The following NCKAP5 variants were observed in gnomAD, a reference collection of about 807,000 sequenced individuals.
The protein encoded by NCKAP5 is NCK associated protein 5.
NCKAP5 carries 92 observed loss-of-function variants against 167.0 expected under a neutral mutation model. That is an observed-to-expected ratio of 0.55 (90% confidence interval 0.47 to 0.66). The LOEUF is 0.66. Ranked by LOEUF, NCKAP5 falls within the 30% of genes least tolerant of loss-of-function variation. The pLI, the probability that NCKAP5 is intolerant of heterozygous loss-of-function variation, is 0.00. For synonymous variants in NCKAP5, 891 were observed against 877.4 expected (o/e 1.02, Z -0.27); for missense variants, 2,378 against 2,315.0 (o/e 1.03, Z -0.56).
chr2:133,175,129 TC>T (rs1239991671), intron 5 of NCKAP5, among the ~76,000 whole-genome samples: 1 of 152,036 alleles, frequency 6.6e-6, no homozygotes, highest in African/African-American at 2.4e-5. Context: ...AACTTTTTTT[TC>T]ATATGCCCAG....
In NCKAP5 at chr2:132,920,667, A is replaced by ATATATATG. The variant is rs1284622889; in HGVS notation, c.580-41752_580-41751insCATATATA. On this transcript the variant is annotated intron_variant, in intron 8 of 19. Coordinates refer to ENST00000409261, the MANE Select transcript of NCKAP5 (RefSeq NM_207363.3). Reference sequence around the variant, plus strand: ...TATATATATGGAAGAACTTATATATATATATATATATAAGTTAGTTTATAT... The same window carrying ATATATATG: ...TATATATATGGAAGAACTTATATATATATATATGTATATATATATAAGTTAGTTTATAT... Among the ~76,000 whole-genome samples, 67 of 135,206 alleles carry ATATATATG rather than the reference A, an allele frequency of 5.0e-4. 4 individuals carry two copies. The Admixed American group carries it at 5.2e-3, about 11-fold the overall frequency. The allele number at this position is 135,206 out of a possible 152,430, so 88.7% of individuals were successfully genotyped here.
rs144491492 is a variant in NCKAP5, at chr2:132,784,232, C to T, written c.2579G>A (p.Arg860Gln). 2.7e-5 allele frequency: 43 copies of T among 1,599,012 alleles called. No individual in the cohort carries two copies. Among genetic ancestry groups the T allele is most frequent in the Middle Eastern group, 1.7e-4 (1 of 5,958 alleles). Residue 860 changes from arginine (R) to glutamine (Q), a missense_variant, in exon 14 of 20, where the codon CGA becomes CAA. Physicochemically the swap from Arg to Gln is conservative, Grantham distance 43. Coordinates refer to ENST00000409261, the MANE Select transcript of NCKAP5 (RefSeq NM_207363.3). ...ATGTTTTGGAATGTGTGGATCTGAT[C>T]GTAATTCAAAGAGGGGCCCTGAGCT... ...TESSGPLFELRSDPHIPKHSA... is the reference protein window; with the variant it reads ...TESSGPLFELQSDPHIPKHSA...
chr2:133,084,150 C>T (rs1222103172), intron 6 of NCKAP5, among the ~76,000 whole-genome samples: 1 of 152,076 alleles, frequency 6.6e-6, no homozygotes, highest in Non-Finnish European at 1.5e-5. Context: ...ACACATTATC[C>T]AGGGTGGCTG....
chr2:132,783,095 C>G lies in NCKAP5; in HGVS notation c.3716G>C (p.Gly1239Ala). ...ATCTACCCCATCCCTTCCATCACTC[C>G]CAGGGATGCTACTTTCCAATGGCTC... ...LQEPLESSIP[G>A]SDGRDGVDNR... The change falls in exon 14 of 20, where the codon GGG (glycine) becomes GCG (alanine). Residue 1239 changes from glycine to alanine, a missense_variant. Coordinates refer to ENST00000409261, the MANE Select transcript of NCKAP5 (RefSeq NM_207363.3). The G allele has an allele frequency of 1.2e-6, 2 of 1,613,756 alleles. No individual in the cohort carries two copies. The highest frequency in any genetic ancestry group is 1.7e-6 in the Non-Finnish European group (2 of 1,179,820).
chr2:133,226,683 C>T (rs969585553), intron 4 of NCKAP5, among the ~76,000 whole-genome samples: 1 of 149,396 alleles, frequency 6.7e-6, no homozygotes, highest in Admixed American at 6.7e-5. Context: ...ATTGAGGTGA[C>T]ACTTCTACAA....
intron 11 of NCKAP5, among the ~76,000 whole-genome samples, chr2:132,854,740 G>T (rs1480748344): frequency 1.3e-5 from 2 of 152,168 alleles, no homozygotes; most frequent in Non-Finnish European, 2.9e-5. Context: ...TTGAGCAAAT[G>T]CATTTTGCCA....
intron 7 of NCKAP5, among the ~76,000 whole-genome samples, chr2:132,968,999 G>A (rs2149226183): frequency 6.6e-6 from 1 of 152,288 alleles, no homozygotes; most frequent in Admixed American, 6.5e-5. Context: ...GAGGAGCCAA[G>A]GTTTGGAAAA....
At chr2:133,025,818 T>C (rs935880425) in intron 6 of NCKAP5, among the ~76,000 whole-genome samples, 1 of 152,146 alleles carries the variant, frequency 6.6e-6, no homozygotes, top group African/African-American at 2.4e-5. Flanking sequence ...GGGTAGAACA[T>C]ATTATTTTAA....
intron 5 of NCKAP5, among the ~76,000 whole-genome samples, chr2:133,189,365 G>C (rs1439008571): frequency 6.6e-6 from 1 of 151,910 alleles, no homozygotes; most frequent in Non-Finnish European, 1.5e-5. Flanking sequence ...ACAAAGAGGA[G>C]CTGGTACCGT....
intron 6 of NCKAP5, among the ~76,000 whole-genome samples, chr2:133,035,755 C>T (rs142474462): frequency 6.6e-6 from 1 of 151,712 alleles, no homozygotes; most frequent in East Asian, 1.9e-4. Flanking sequence ...AGTGAAAAAT[C>T]TAATGATGCA....
chr2:132,929,634 T>C (rs934687546), intron 8 of NCKAP5, among the ~76,000 whole-genome samples: 1 of 152,186 alleles, frequency 6.6e-6, no homozygotes, highest in Non-Finnish European at 1.5e-5. Flanking sequence ...CTTTAGGGTC[T>C]AGGAGCAAGC....
chr2:132,859,183 G>A (rs147990260), intron 11 of NCKAP5, among the ~76,000 whole-genome samples: 144 of 152,258 alleles, frequency 9.5e-4, no homozygotes, highest in African/African-American at 3.2e-3. Context: ...AGGCAGAGAG[G>A]AAATTAATTT....
At chr2:133,461,635 G>A (rs1303487469) in intron 3 of NCKAP5, among the ~76,000 whole-genome samples, 2 of 152,076 alleles carry the variant, frequency 1.3e-5, no homozygotes, top group Admixed American at 6.6e-5. Flanking sequence ...TGCCCTCCTG[G>A]GCTCCAGCCG....
chr2:133,207,143 C>G (rs1353418183), intron 5 of NCKAP5, among the ~76,000 whole-genome samples: 1 of 152,112 alleles, frequency 6.6e-6, no homozygotes, highest in Non-Finnish European at 1.5e-5. Flanking sequence ...CACCCCCTCC[C>G]CTTTTAAAAT....
chr2:132,676,940 T>C (rs995294475), intron 19 of NCKAP5, among the ~76,000 whole-genome samples: 4 of 152,224 alleles, frequency 2.6e-5, no homozygotes, highest in Non-Finnish European at 5.9e-5. Flanking sequence ...GCAGTGTGCC[T>C]GCAGAGATGA....
chr2:133,011,203 T>C (rs1179195453), intron 6 of NCKAP5, among the ~76,000 whole-genome samples: 2 of 152,184 alleles, frequency 1.3e-5, no homozygotes, highest in African/African-American at 4.8e-5. Flanking sequence ...ATTGTAAGTT[T>C]TTCCCCCCAT....
At chr2:132,690,943 T>C (rs1686653839) in intron 19 of NCKAP5, among the ~76,000 whole-genome samples, 1 of 152,166 alleles carries the variant, frequency 6.6e-6, no homozygotes, top group East Asian at 1.9e-4. Flanking sequence ...CTCTGCCATT[T>C]CCCTCCATCC....
rs567150249 is a variant in NCKAP5, at chr2:132,962,617, T to C, written c.579+1103A>G. On this transcript the variant is annotated intron_variant, in intron 8 of 19. Coordinates refer to ENST00000409261, the MANE Select transcript of NCKAP5 (RefSeq NM_207363.3). ...TTTTTGTTTGTTTGTTTGTTTGTTT[T>C]TTTGAGTCTGTCACCCAGGCTGGAG... Among the ~76,000 whole-genome samples the C allele has an allele frequency of 1.6e-4, 24 of 151,854 alleles. No homozygotes were observed. In the South Asian group the frequency reaches 4.8e-3, roughly 31 times the overall value.
chr2:133,128,610 G>A (rs868439001), intron 6 of NCKAP5, among the ~76,000 whole-genome samples: 1 of 141,806 alleles, frequency 7.1e-6, no homozygotes, highest in East Asian at 2.0e-4. Flanking sequence ...TTTTTTTTTT[G>A]TTTTTGTAAT....
Sources: allele counts gnomAD v4.1 joint callset (sites outside exome capture counted in the v4.1 genomes callset), GRCh38; gene constraint gnomAD v4.1.1; transcripts MANE v1.5; gene names NCBI Gene and HGNC (gene_info 2026-07-23, HGNC 2026-07-21).